The following SYT7 variants were observed in gnomAD, a reference collection of about 807,000 sequenced individuals.
SYT7 encodes synaptotagmin-7.
In SYT7, 29 loss-of-function variants were observed where a neutral mutation model predicts 75.1. That is an observed-to-expected ratio of 0.39 (90% CI 0.29 to 0.53). SYT7 has a LOEUF of 0.53. Ranked by LOEUF, SYT7 falls within the 20% of genes least tolerant of loss-of-function variation. SYT7 has a pLI of 0.77. For synonymous variants in SYT7, 376 were observed against 401.7 expected (o/e 0.94, Z 0.76); for missense variants, 693 against 953.2 (o/e 0.73, Z 3.59).
intron 7 of SYT7, among the ~76,000 whole-genome samples, chr11:61,536,471 G>A (rs534713859): frequency 5.9e-5 from 9 of 152,260 alleles, no homozygotes; most frequent in East Asian, 1.9e-4. Context: ...GTGCCTTCTC[G>A]CCCCTGGCCC....
At position 61,516,974 on chromosome 11, in the gene SYT7, A is replaced by C; in HGVS notation, c.*1653T>G. 1 of 318,370 alleles carries C rather than the reference A, an allele frequency of 3.1e-6. No individual in the cohort carries two copies. The highest frequency in any genetic ancestry group is 5.7e-6 in the Non-Finnish European group (1 of 175,868). The allele number at this position is 318,370 out of a possible 1,614,324, so 19.7% of individuals were successfully genotyped here. On this transcript the variant is annotated 3_prime_UTR_variant, in exon 13 of 13. Coordinates refer to ENST00000539008, the MANE Select transcript of SYT7 (RefSeq NM_001365809.2). This position sits in a 1 kb window ranked among gnomAD's most constrained non-coding sequence, Gnocchi z 4.6. ...CGAAGGAAAATGGTTCCCAAATGCC[A>C]ATGGTCTCCCCACGCCCTGGATGTG...
intron 8 of SYT7, among the ~76,000 whole-genome samples, chr11:61,528,761 A>C (rs770566341): frequency 8.5e-5 from 13 of 152,306 alleles, no homozygotes; most frequent in Middle Eastern, 3.4e-3. Context: ...TGTAAGGCAG[A>C]ATCACTAGGG....
chr11:61,537,282 G>A (rs918867599), intron 7 of SYT7, among the ~76,000 whole-genome samples: 4 of 152,202 alleles, frequency 2.6e-5, no homozygotes, highest in African/African-American at 9.6e-5. Context: ...CCAGCTGTGG[G>A]ATGCCGCCTG....
At chr11:61,536,629 A>G (rs1273249710) in intron 7 of SYT7, among the ~76,000 whole-genome samples, 1 of 152,196 alleles carries the variant, frequency 6.6e-6, no homozygotes, top group East Asian at 1.9e-4. Flanking sequence ...AGCGCCTGAC[A>G]GCATTTGTGC....
chr11:61,546,789 G>A lies in SYT7; in HGVS notation c.347+388C>T. ...CCGACCACCGACCACCGACCACCGAGCAGCCACGGCAGCACACAGCGGGGA... is the reference window on the plus strand; with the variant it reads ...CCGACCACCGACCACCGACCACCGAACAGCCACGGCAGCACACAGCGGGGA... On this transcript the variant is annotated intron_variant, in intron 4 of 12. Coordinates refer to ENST00000539008, the MANE Select transcript of SYT7 (RefSeq NM_001365809.2). This position sits in a 1 kb window ranked among gnomAD's most constrained non-coding sequence, Gnocchi z 7.6. The A allele has an allele frequency of 2.6e-6, 1 of 380,058 alleles. No individual in the cohort carries two copies. Among genetic ancestry groups the A allele is most frequent in the Admixed American group, 3.5e-5 (1 of 28,384 alleles). The allele number at this position is 380,058 out of a possible 1,614,324, so 23.5% of individuals were successfully genotyped here.
In SYT7 at chr11:61,513,846, G is replaced by A. The variant is rs758283267; in HGVS notation, c.*4781C>T. ...ACACATACACGCAGGACACAGACAC[G>A]GGGAGCGGGGCGTCTTCACGGGAAA... On this transcript the variant is annotated 3_prime_UTR_variant, in exon 13 of 13. Transcript: ENST00000539008. Among the ~76,000 whole-genome samples, 11 of 152,202 alleles carry A rather than the reference G, an allele frequency of 7.2e-5. No individual in the cohort carries two copies. The highest frequency in any genetic ancestry group is 1.5e-4 in the Non-Finnish European group (10 of 68,046).
At position 61,572,176 on chromosome 11, in the gene SYT7, G is replaced by A. The variant is rs539793589; in HGVS notation, c.31+8614C>T. ...TCCAGGGCTGGCAGGTGCCAAGGAG[G>A]GAGAGAGGGGTTCCTCCCCTTCTCC... On this transcript the variant is annotated intron_variant, in intron 1 of 12. Transcript: ENST00000539008. 3.7e-3 allele frequency among the ~76,000 whole-genome samples: 562 copies of A among 152,336 alleles called. 3 individuals carry two copies. Among genetic ancestry groups the A allele is most frequent in the Non-Finnish European group, 6.2e-3 (424 of 68,032 alleles).
intron 8 of SYT7, among the ~76,000 whole-genome samples, chr11:61,532,377 C>G (rs2062738995): frequency 6.6e-6 from 1 of 152,168 alleles, no homozygotes; most frequent in Non-Finnish European, 1.5e-5. Context: ...TCTGTCTGGG[C>G]CAAACAACCT....
At chr11:61,535,931 A>C (rs562538679) in intron 7 of SYT7, among the ~76,000 whole-genome samples, 1 of 151,792 alleles carries the variant, frequency 6.6e-6, no homozygotes, top group African/African-American at 2.4e-5. Context: ...CAAGGCCACC[A>C]CTCCAAGTTC....
chr11:61,535,519 C>A (rs1250907858), intron 7 of SYT7, among the ~76,000 whole-genome samples: 3 of 152,196 alleles, frequency 2.0e-5, no homozygotes, highest in African/African-American at 7.2e-5. Flanking sequence ...CGCAGCAGGG[C>A]GTGGAGCCAG....
Position 61,523,930 on chromosome 11 carries a change from C to T in SYT7, c.1653G>A (p.Gly551=). The change falls in exon 11 of 13, where the codon GGG becomes GGA. Residue 551 remains glycine (G), a synonymous_variant. Transcript: ENST00000539008. This position sits in a 1 kb window ranked among gnomAD's most constrained non-coding sequence, Gnocchi z 5.0. ...TGTAGCAGAGAGACAAGAGCAGCTC[C>T]CCTCGGCTCCCCTGGGAGGCACGAC... ...KPCSDGSGSR[G]ELLLSLCYNP... 1.2e-6 allele frequency: 2 copies of T among 1,613,958 alleles called. No homozygotes were observed. The highest frequency in any genetic ancestry group is 1.7e-6 in the Non-Finnish European group (2 of 1,179,908).
Position 61,576,230 on chromosome 11 carries a change from G to T in SYT7, c.31+4560C>A, listed in dbSNP as rs2064074069. Reference sequence around the variant, plus strand: ...CACTAGTTGGACAGGGCCCAGCAGGGCTGCCCCTGCTGCCTGGAAGGTCAG... The same window carrying T: ...CACTAGTTGGACAGGGCCCAGCAGGTCTGCCCCTGCTGCCTGGAAGGTCAG... On this transcript the variant is annotated intron_variant, in intron 1 of 12. Transcript: ENST00000539008. This position sits in a 1 kb window ranked among gnomAD's most constrained non-coding sequence, Gnocchi z 4.1. Among the ~76,000 whole-genome samples the T allele has an allele frequency of 6.6e-6, 1 of 152,238 alleles. No individual in the cohort carries two copies. Among genetic ancestry groups the T allele is most frequent in the Admixed American group, 6.5e-5 (1 of 15,290 alleles).
upstream of SYT7, among the ~76,000 whole-genome samples, chr11:61,582,810 T>C (rs2064308168): frequency 6.6e-6 from 1 of 152,124 alleles, no homozygotes; most frequent in Non-Finnish European, 1.5e-5. Context: ...CCAGGAGTTA[T>C]CTACACTCTG....
In SYT7 at chr11:61,577,271, C is replaced by T. The variant is rs137957569; in HGVS notation, c.31+3519G>A. Among the ~76,000 whole-genome samples, 400 of 152,376 alleles carry T rather than the reference C, an allele frequency of 2.6e-3. 4 individuals carry two copies. Among genetic ancestry groups the T allele is most frequent in the African/African-American group, 9.2e-3 (384 of 41,578 alleles). The stretch of plus-strand genomic sequence containing the variant: ...GACTTGCCCAGCCTCAGGTCCTCCA[C>T]TGTGTCCTGGCCTGTGGGGAGATCA... On this transcript the variant is annotated intron_variant, in intron 1 of 12. Coordinates refer to ENST00000539008, the MANE Select transcript of SYT7 (RefSeq NM_001365809.2).
At chr11:61,579,185 T>A (rs1490692119) in intron 1 of SYT7, among the ~76,000 whole-genome samples, 1 of 152,238 alleles carries the variant, frequency 6.6e-6, no homozygotes, top group African/African-American at 2.4e-5. Context: ...TGTCCTTATT[T>A]CTTCCCTACC....
intron 2 of SYT7, among the ~76,000 whole-genome samples, chr11:61,555,780 T>C (rs2063485421): frequency 6.6e-6 from 1 of 151,900 alleles, no homozygotes; most frequent in South Asian, 2.1e-4. Flanking sequence ...GGCGTGTGTG[T>C]GTGTGTGCGC....
chr11:61,577,367 G>A (rs888718492), intron 1 of SYT7, among the ~76,000 whole-genome samples: 1 of 152,234 alleles, frequency 6.6e-6, no homozygotes, highest in African/African-American at 2.4e-5. Flanking sequence ...TGTGCCGATG[G>A]GGCAGGCTTT....
In SYT7 at chr11:61,514,051, G is replaced by A. The variant is rs1405355336; in HGVS notation, c.*4576C>T. On this transcript the variant is annotated 3_prime_UTR_variant, in exon 13 of 13. Transcript: ENST00000539008. ...AAACACCAGAGGGCGGTGGTCCCAG[G>A]TACAGGGAGGGGTGGGGGAGCATCT... 6.6e-6 allele frequency among the ~76,000 whole-genome samples: 1 copy of A among 151,880 alleles called. No individual in the cohort carries two copies. Among genetic ancestry groups the A allele is most frequent in the Non-Finnish European group, 1.5e-5 (1 of 67,994 alleles).
At chr11:61,548,220 C>T (rs1197668028) in intron 3 of SYT7, among the ~76,000 whole-genome samples, 3 of 152,208 alleles carry the variant, frequency 2.0e-5, no homozygotes, top group Non-Finnish European at 4.4e-5. Context: ...GCCTGTGTAG[C>T]GGGAACCTGT....
Sources: allele counts gnomAD v4.1 joint callset (sites outside exome capture counted in the v4.1 genomes callset), GRCh38; gene constraint gnomAD v4.1.1; non-coding constraint Gnocchi (gnomAD v3.1); transcripts MANE v1.5; gene names NCBI Gene and HGNC (gene_info 2026-07-23, HGNC 2026-07-21).